The following SYN1 variants were observed in gnomAD, a reference collection of about 807,000 sequenced individuals.
SYN1 encodes synapsin-1.
In SYN1, 8 loss-of-function variants were observed where a neutral mutation model predicts 44.6. The observed-to-expected ratio is 0.18, with a 90% CI of 0.11 to 0.32. The LOEUF is 0.32. Ranked by LOEUF, SYN1 falls within the 10% of genes least tolerant of loss-of-function variation. The pLI, the probability that SYN1 is intolerant of heterozygous loss-of-function variation, is 1.00. For synonymous variants in SYN1, 275 were observed against 280.1 expected (o/e 0.98, Z 0.18); for missense variants, 451 against 639.4 (o/e 0.71, Z 3.18).
chrX:47,572,761 G>A lies in SYN1; in HGVS notation c.*103C>T, dbSNP rs754919346. 1.2e-5 allele frequency: 13 copies of A among 1,115,454 alleles called. No homozygotes were observed. Among genetic ancestry groups the A allele is most frequent in the African/African-American group, 7.3e-5 (4 of 55,012 alleles). 91.9% of individuals were successfully genotyped at this position (1,115,454 alleles called of 1,213,427 possible). On this transcript the variant is annotated 3_prime_UTR_variant, in exon 13 of 13. Transcript: ENST00000295987. ...ATGAGAGGTGGAATCTTGGAGAACC[G>A]GGAGATGGGTTCTCAAGGGATTTGG...
intron 1 of SYN1, among the ~76,000 whole-genome samples, chrX:47,608,354 G>A (rs186900455): frequency 1.1e-3 from 121 of 111,450 alleles, no homozygotes; most frequent in African/African-American, 3.8e-3. Context: ...TCTGAAGCGT[G>A]CCTGTTTTTG....
intron 10 of SYN1, 124 bp downstream of exon 10, chrX:47,575,004 G>A: frequency 3.1e-6 from 3 of 981,503 alleles, no homozygotes; most frequent in Non-Finnish European, 4.2e-6. Context: ...ATTGGCAATC[G>A]CAGCCACATG....
At chrX:47,604,197 C>A (rs2057889126) in intron 5 of SYN1, among the ~76,000 whole-genome samples, 1 of 110,965 alleles carries the variant, frequency 9.0e-6, no homozygotes, top group Non-Finnish European at 1.9e-5. Context: ...GCATGAGCCA[C>A]CGCGCCCGGC....
intron 1 of SYN1, among the ~76,000 whole-genome samples, chrX:47,608,699 C>G (rs376446165): frequency 4.6e-5 from 5 of 109,809 alleles, no homozygotes; most frequent in South Asian, 3.9e-4. Flanking sequence ...TGTCCCCGGG[C>G]CCGTCCCCAG....
intron 5 of SYN1, among the ~76,000 whole-genome samples, chrX:47,588,950 G>T (rs1375377520): frequency 3.6e-5 from 4 of 111,115 alleles, no homozygotes; most frequent in African/African-American, 9.8e-5. Context: ...GTCTGTGGTG[G>T]GGTTGGAGGA....
At chrX:47,613,239 A>T (rs1055978497) in intron 1 of SYN1, among the ~76,000 whole-genome samples, 1 of 110,429 alleles carries the variant, frequency 9.1e-6, no homozygotes, top group Non-Finnish European at 1.9e-5. Context: ...ACACTAGGCA[A>T]CCAGGTAGAC....
Sources: gnomAD v4.1 joint callset for allele counts (sites outside exome capture counted in the v4.1 genomes callset) on GRCh38, gnomAD v4.1.1 for gene constraint, MANE v1.5 for transcripts, NCBI Gene and HGNC (gene_info 2026-07-23, HGNC 2026-07-21) for gene names.